Variants in SPTLC3 observed in about 807,000 individuals in gnomAD.
SPTLC3 encodes serine palmitoyltransferase 3.
Under a neutral mutation model 59.3 loss-of-function variants are expected in SPTLC3, and 36 were observed. The observed-to-expected ratio is 0.61, with a 90% CI of 0.47 to 0.80. SPTLC3 has a LOEUF of 0.80. Among genes scored for constraint, SPTLC3 ranks in the 30% least tolerant of loss-of-function variants. The pLI is 0.00. For missense variants in SPTLC3, 625 were observed against 685.1 expected (o/e 0.91, Z 0.98); for synonymous variants, 257 against 240.8 (o/e 1.07, Z -0.62).
At chr20:13,155,891 C>T (rs1198903073) in intron 10 of SPTLC3, among the ~76,000 whole-genome samples, 1 of 152,096 alleles carries the variant, frequency 6.6e-6, no homozygotes, top group Non-Finnish European at 1.5e-5. Flanking sequence ...GCCCTTTGTT[C>T]ACAGATCTGG....
At chr20:13,041,034 C>T (rs1029050832) in intron 1 of SPTLC3, among the ~76,000 whole-genome samples, 5 of 152,092 alleles carry the variant, frequency 3.3e-5, no homozygotes, top group African/African-American at 1.2e-4. Context: ...TGTCTCTTAA[C>T]ATTTTTACTA....
At chr20:13,084,310 T>C (rs1988937820) in intron 4 of SPTLC3, among the ~76,000 whole-genome samples, 1 of 152,234 alleles carries the variant, frequency 6.6e-6, no homozygotes, top group Non-Finnish European at 1.5e-5. Context: ...TGTCCTATGA[T>C]GTTTATAACA....
intron 1 of SPTLC3, among the ~76,000 whole-genome samples, chr20:13,019,611 C>A (rs74380657): frequency 0.045 from 6,861 of 152,208 alleles, 231 homozygotes; most frequent in Middle Eastern, 0.092. Context: ...CTTGACTAAC[C>A]CAAATCTAAA....
chr20:13,162,551 A>G (rs1568635575), intron 11 of SPTLC3, among the ~76,000 whole-genome samples: 1 of 152,284 alleles, frequency 6.6e-6, no homozygotes, highest in Admixed American at 6.5e-5. Flanking sequence ...TAGCAATTGA[A>G]CCTAAAGGCT....
intron 2 of SPTLC3, chr20:13,050,466 T>A (rs1245230039): frequency 6.6e-6 from 1 of 152,176 alleles, no homozygotes; most frequent in Non-Finnish European, 1.5e-5. Context: ...GAATAATCAA[T>A]GTTCCTGAGG....
chr20:13,016,918 C>A (rs181520788), intron 1 of SPTLC3, among the ~76,000 whole-genome samples: 1 of 152,072 alleles, frequency 6.6e-6, no homozygotes, highest in East Asian at 1.9e-4. Flanking sequence ...ATTTTTGGAC[C>A]CATTTTATAG....
chr20:13,057,116 T>G (rs1172336735), intron 2 of SPTLC3, among the ~76,000 whole-genome samples: 1 of 152,200 alleles, frequency 6.6e-6, no homozygotes, highest in Non-Finnish European at 1.5e-5. Context: ...AGCTGTCTGA[T>G]GCACATTTTG....
At chr20:13,094,559 T>C (rs902068661) in intron 6 of SPTLC3, among the ~76,000 whole-genome samples, 1 of 152,130 alleles carries the variant, frequency 6.6e-6, no homozygotes, top group African/African-American at 2.4e-5. Context: ...AAGTTTGAAG[T>C]GACAAGAAGA....
At chr20:13,078,908 T>G (rs943561435) in intron 4 of SPTLC3, among the ~76,000 whole-genome samples, 7 of 152,130 alleles carry the variant, frequency 4.6e-5, no homozygotes, top group African/African-American at 1.7e-4. Flanking sequence ...AATCAAAAAT[T>G]TATTAGACAT....
At chr20:13,121,610 A>C (rs2037868985) in intron 8 of SPTLC3, among the ~76,000 whole-genome samples, 1 of 152,216 alleles carries the variant, frequency 6.6e-6, no homozygotes, top group Non-Finnish European at 1.5e-5. Context: ...GACACGACCC[A>C]GACTCGCCTT....
intron 1 of SPTLC3, among the ~76,000 whole-genome samples, chr20:13,044,395 C>A (rs1286547468): frequency 6.6e-6 from 1 of 152,126 alleles, no homozygotes; most frequent in African/African-American, 2.4e-5. Flanking sequence ...AGCCACAGCG[C>A]CCAGCTGATA....
chr20:13,155,082 G>A (rs754336539), intron 10 of SPTLC3, among the ~76,000 whole-genome samples: 15 of 152,004 alleles, frequency 9.9e-5, no homozygotes, highest in Admixed American at 5.9e-4. Context: ...TAGGGAGGCC[G>A]AGGCAGGAGG....
At chr20:13,091,276 T>C (rs950520298) in intron 5 of SPTLC3, 69 bp downstream of exon 5, 5 of 1,567,916 alleles carry the variant, frequency 3.2e-6, no homozygotes, top group African/African-American at 1.4e-5. Flanking sequence ...AGTAGGTCCT[T>C]GTTAGAAGTA....
intron 2 of SPTLC3, among the ~76,000 whole-genome samples, chr20:13,059,254 A>G (rs933677936): frequency 3.0e-4 from 45 of 152,160 alleles, no homozygotes; most frequent in Non-Finnish European, 7.4e-5. Flanking sequence ...GGAATGGGTA[A>G]AGGCTGCTTA....
At chr20:13,080,923 G>T (rs555473772) in intron 4 of SPTLC3, among the ~76,000 whole-genome samples, 126 of 152,218 alleles carry the variant, frequency 8.3e-4, no homozygotes, top group Non-Finnish European at 1.5e-3. Flanking sequence ...AATATATTTG[G>T]TGGATCTGTT....
At chr20:13,089,797 A>AG (rs1286364831) in intron 4 of SPTLC3, among the ~76,000 whole-genome samples, 44 of 144,202 alleles carry the variant, frequency 3.1e-4, no homozygotes, top group African/African-American at 6.0e-4. Flanking sequence ...AAAAAAAAAA[A>AG]AAAAAAACAA....
rs559367006 is a variant in SPTLC3 at position 13,160,049 on chromosome 20, G to C, written c.1462G>C (p.Val488Leu). 2.5e-6 allele frequency: 4 copies of C among 1,613,368 alleles called. No individual in the cohort carries two copies. The highest frequency in any genetic ancestry group is 3.4e-6 in the Non-Finnish European group (4 of 1,179,854). The change falls in exon 11 of 12, where the codon GTG becomes CTG. Residue 488 changes from valine (V) to leucine (L), a missense_variant. Physicochemically the swap from Val to Leu is conservative, Grantham distance 32 (BLOSUM62 1). Transcript: ENST00000399002. ...MLEKKIGVVV[V>L]GFPATPLAEA... The stretch of plus-strand genomic sequence containing the variant: ...AGAGAAAAAAATTGGAGTGGTGGTC[G>C]TGGGATTTCCAGCCACTCCCCTCGC...
chr20:13,033,198 G>A (rs551547201), intron 1 of SPTLC3, among the ~76,000 whole-genome samples: 2 of 152,242 alleles, frequency 1.3e-5, no homozygotes, highest in East Asian at 3.9e-4. Flanking sequence ...GGTTAGAAAG[G>A]AAAGAATTTA....
intron 2 of SPTLC3, among the ~76,000 whole-genome samples, chr20:13,059,032 C>T (rs1987841501): frequency 6.6e-6 from 1 of 152,196 alleles, no homozygotes; most frequent in Non-Finnish European, 1.5e-5. Flanking sequence ...CAAGAGGTGA[C>T]CAAAGACCAT....
Sources: allele counts gnomAD v4.1 joint callset (sites outside exome capture counted in the v4.1 genomes callset), GRCh38; gene constraint gnomAD v4.1.1; transcripts MANE v1.5; gene names NCBI Gene and HGNC (gene_info 2026-07-23, HGNC 2026-07-21).